Variants in ATM observed in about 807,000 individuals in gnomAD.
The protein encoded by ATM is serine-protein kinase ATM.
ATM carries 308 observed loss-of-function variants against 387.0 expected under a neutral mutation model. That is an observed-to-expected ratio of 0.80 (90% CI 0.73 to 0.87). The LOEUF (loss-of-function observed/expected upper bound fraction) is 0.87. Ranked by LOEUF, ATM falls within the 40% of genes least tolerant of loss-of-function variation. The pLI is 0.00. For synonymous variants in ATM, 1,156 were observed against 1,187.3 expected (o/e 0.97, Z 0.54); for missense variants, 3,312 against 3,560.9 (o/e 0.93, Z 1.78).
chr11:108,325,857 TATAGAG>T (rs1375212318), intron 46 of ATM, among the ~76,000 whole-genome samples, 195 bp from the exon 47 acceptor site: 1 of 152,032 alleles, frequency 6.6e-6, no homozygotes, highest in Non-Finnish European at 1.5e-5. Context: ...CATACATACA[TATAGAG>T]AGAGACAGAC....
At chr11:108,272,323 A>G (rs2081626320) in intron 20 of ATM, among the ~76,000 whole-genome samples, 1 of 152,272 alleles carries the variant, frequency 6.6e-6, no homozygotes, top group Admixed American at 6.5e-5. Flanking sequence ...TATAAAACAA[A>G]TAATATACGC....
rs371526361 is a variant in ATM, at chr11:108,284,273, T to G, written c.3793T>G (p.Phe1265Val). The change falls in exon 26 of 63, where the codon TTT becomes GTT. Residue 1265 changes from phenylalanine to valine, a missense_variant. This residue lies in a region of ATM where 1,791 missense variants were observed against 1,804.5 expected (regional missense o/e 0.99). Coordinates refer to ENST00000675843, the MANE Select transcript of ATM (RefSeq NM_000051.4). Reference sequence around the variant, plus strand: ...TCCACATCTGGTGATTAGAAGTCATTTTGATGAGGTGAAGTCCATTGCTAA... The same window carrying G: ...TCCACATCTGGTGATTAGAAGTCATGTTGATGAGGTGAAGTCCATTGCTAA... ...LIPHLVIRSH[F>V]DEVKSIANQI... 1 of 1,613,232 alleles carries G rather than the reference T, an allele frequency of 6.2e-7. No individual in the cohort carries two copies. Among genetic ancestry groups the G allele is most frequent in the Non-Finnish European group, 8.5e-7 (1 of 1,179,270 alleles).
At position 108,367,262 on chromosome 11, in the gene ATM, C is replaced by G. The variant is rs1006819730; in HGVS notation, c.*1754C>G. Reference sequence around the variant, plus strand: ...TCGGCCTCCCAAAGTGCTGGGATTACAGGTGTGAGCCACCGCGCCCGGCCT... The same window carrying G: ...TCGGCCTCCCAAAGTGCTGGGATTAGAGGTGTGAGCCACCGCGCCCGGCCT... On this transcript the variant is annotated 3_prime_UTR_variant, in exon 63 of 63. Transcript: ENST00000675843. 1 of 180,134 alleles carries G rather than the reference C, an allele frequency of 5.6e-6. No homozygotes were observed. The highest frequency in any genetic ancestry group is 9.2e-5 in the East Asian group (1 of 10,892). 11.2% of individuals were successfully genotyped at this position (180,134 alleles called of 1,614,324 possible).
rs747346821 is a variant in ATM, at chr11:108,365,070, C to G, written c.8851-12C>G. 9 of 1,613,452 alleles carry G rather than the reference C, an allele frequency of 5.6e-6. No homozygotes were observed. In the South Asian group the frequency reaches 8.8e-5, roughly 16 times the overall value. ...ACATTGTTCTTTTAATACATATGTTCTCTCTGTTTAGGTCCTTCTATATGA... is the reference window on the plus strand; with the variant it reads ...ACATTGTTCTTTTAATACATATGTTGTCTCTGTTTAGGTCCTTCTATATGA... On this transcript the variant is annotated splice_polypyrimidine_tract_variant and intron_variant, in intron 61 of 62. Coordinates refer to ENST00000675843, the MANE Select transcript of ATM (RefSeq NM_000051.4).
intron 16 of ATM, among the ~76,000 whole-genome samples, chr11:108,266,209 C>G (rs2081227026): frequency 6.7e-6 from 1 of 149,672 alleles, no homozygotes; most frequent in South Asian, 2.1e-4. Context: ...GCATTATTCA[C>G]AATAGCAAAG....
intron 33 of ATM, among the ~76,000 whole-genome samples, chr11:108,298,986 G>A (rs2083268822): frequency 6.6e-6 from 1 of 152,144 alleles, no homozygotes; most frequent in African/African-American, 2.4e-5. Context: ...TCAAAGAGGT[G>A]AAAAACTTAT....
At chr11:108,332,364 G>A (rs1296920388) in intron 52 of ATM, among the ~76,000 whole-genome samples, 1 of 152,050 alleles carries the variant, frequency 6.6e-6, no homozygotes, top group Non-Finnish European at 1.5e-5. Context: ...CTCGGGAGGC[G>A]GAGGTTGCAG....
chr11:108,332,936 G>T (rs775396645), intron 53 of ATM, 36 bp downstream of exon 53: 3 of 1,596,674 alleles, frequency 1.9e-6, no homozygotes, highest in South Asian at 2.2e-5. Flanking sequence ...TTACTTTCTT[G>T]CTGTGTTACT....
chr11:108,316,219 C>G, intron 42 of ATM, 106 bp downstream of exon 42: 1 of 1,056,762 alleles, frequency 9.5e-7, no homozygotes, highest in Non-Finnish European at 1.4e-6. Context: ...AGAGATAAGA[C>G]TAGAACTTAT....
In ATM at chr11:108,326,082, A is replaced by T. The variant is rs2085649125; in HGVS notation, c.6832A>T (p.Ile2278Phe). ...GCTCCCTGAAAGGGCAATATTTCAA[A>T]TTAAACAGTACAATTCAGTTAGCTG... ...TQLPERAIFQ[I>F]KQYNSVSCGV... The change falls in exon 47 of 63, where the codon ATT becomes TTT. Residue 2278 changes from isoleucine to phenylalanine, a missense_variant. By Grantham distance (21) the Ile-to-Phe change is conservative. Transcript: ENST00000675843. 6.2e-7 allele frequency: 1 copy of T among 1,614,148 alleles called. No homozygotes were observed. The highest frequency in any genetic ancestry group is 2.2e-5 in the East Asian group (1 of 44,880).
In ATM at chr11:108,365,397, G is replaced by T. The variant is rs864622625; in HGVS notation, c.9060G>T (p.Val3020=). ...GACTACAAGAGAAACTGAAAGGAGT[G>T]GAAGAAGGCACTGTGCTCAGTGTTG... ...LMRLQEKLKG[V]EEGTVLSVGG... is the part of the protein sequence containing the mutation. The change falls in exon 63 of 63, where the codon GTG becomes GTT. Residue 3020 remains valine (V), a synonymous_variant. Transcript: ENST00000675843. 3.1e-6 allele frequency: 5 copies of T among 1,614,084 alleles called. No individual in the cohort carries two copies. Among genetic ancestry groups the T allele is most frequent in the Non-Finnish European group, 4.2e-6 (5 of 1,180,058 alleles).
chr11:108,331,427 C>T lies in ATM; in HGVS notation c.7516-17C>T. Reference sequence around the variant, plus strand: ...AATACCTTGTTTCTTAATTTTGTGTCTTTTTTTTAATGGTAGAGAGACGGA... The same window carrying T: ...AATACCTTGTTTCTTAATTTTGTGTTTTTTTTTTAATGGTAGAGAGACGGA... On this transcript the variant is annotated splice_polypyrimidine_tract_variant and intron_variant, in intron 50 of 62. Transcript: ENST00000675843. The T allele has an allele frequency of 1.3e-6, 2 of 1,598,732 alleles. No individual in the cohort carries two copies. Among genetic ancestry groups the T allele is most frequent in the Non-Finnish European group, 1.7e-6 (2 of 1,171,506 alleles).
intron 61 of ATM, among the ~76,000 whole-genome samples, chr11:108,357,070 G>T (rs946866641): frequency 6.6e-6 from 1 of 152,238 alleles, no homozygotes; most frequent in Non-Finnish European, 1.5e-5. Flanking sequence ...GACAGTGGGC[G>T]CAGGTCAGTG....
At chr11:108,252,956 T>G in intron 12 of ATM, 44 bp downstream of exon 12, 1 of 1,481,312 alleles carries the variant, frequency 6.8e-7, no homozygotes, top group Non-Finnish European at 9.4e-7. Context: ...AGCTATAGCT[T>G]TAATTACAAA....
At chr11:108,261,779 A>G (rs1218318817) in intron 16 of ATM, among the ~76,000 whole-genome samples, 1 of 152,178 alleles carries the variant, frequency 6.6e-6, no homozygotes, top group African/African-American at 2.4e-5. Flanking sequence ...AATACAGAGA[A>G]GTGCTTAAAG....
At chr11:108,242,476 T>C (rs1005956906) in intron 5 of ATM, among the ~76,000 whole-genome samples, 7 of 152,098 alleles carry the variant, frequency 4.6e-5, no homozygotes, top group Non-Finnish European at 1.5e-5. Flanking sequence ...GGCATACAGA[T>C]TGGAAAGGAA....
rs1591510739 is a variant in ATM, at chr11:108,247,016, G to C, written c.954G>C (p.Leu318=). 3 of 1,612,938 alleles carry C rather than the reference G, an allele frequency of 1.9e-6. No individual in the cohort carries two copies. Among genetic ancestry groups the C allele is most frequent in the Non-Finnish European group, 2.5e-6 (3 of 1,179,114 alleles). ...WRSILYNLYD[L]LVNEISHIGS... is the part of the protein sequence containing the mutation. ...GTATTTTATACAACTTATATGATCT[G>C]CTAGTGAATGAGATAAGTCATATAG... Residue 318 remains leucine (L), a synonymous_variant, in exon 8 of 63, where the codon CTG becomes CTC. Transcript: ENST00000675843.
chr11:108,260,281 C>T (rs2135432854), intron 16 of ATM, among the ~76,000 whole-genome samples: 1 of 152,084 alleles, frequency 6.6e-6, no homozygotes, highest in East Asian at 1.9e-4. Flanking sequence ...ATGATCTGTC[C>T]ACCTTGGCCT....
At chr11:108,293,892 A>AC (rs1555100983) in intron 31 of ATM, among the ~76,000 whole-genome samples, 1 of 108,960 alleles carries the variant, frequency 9.2e-6, no homozygotes, top group Non-Finnish European at 1.8e-5. Context: ...AAAAAAAAAA[A>AC]AAATATATAT....
Sources: gnomAD v4.1 joint callset for allele counts (sites outside exome capture counted in the v4.1 genomes callset) on GRCh38, gnomAD v4.1.1 for gene constraint, gnomAD v4.1.1 regional missense constraint, MANE v1.5 for transcripts, NCBI Gene and HGNC (gene_info 2026-07-23, HGNC 2026-07-21) for gene names.